Variants in MGAM2 observed in about 807,000 individuals in gnomAD.
MGAM2 encodes the protein probable maltase-glucoamylase 2.
A neutral mutation model predicts 96.1 loss-of-function variants in MGAM2; 98 were observed. The observed-to-expected ratio is 1.02, with a 90% confidence interval of 0.87 to 1.21. MGAM2 has a LOEUF of 1.21. MGAM2 is among the 50% of genes most tolerant of loss of function. MGAM2 has a pLI of 0.00. For missense variants in MGAM2, 2,055 were observed against 1,182.4 expected (o/e 1.74, Z -10.82); for synonymous variants, 749 against 414.8 (o/e 1.81, Z -9.79).
rs759172841 is a variant in MGAM2 at position 142,131,511 on chromosome 7, C to T, written c.311-7C>T. On this transcript the variant is annotated splice_region_variant and splice_polypyrimidine_tract_variant and intron_variant, in intron 4 of 47. Coordinates refer to ENST00000477922, the MANE Select transcript of MGAM2 (RefSeq NM_001293626.2). ...TTTTCTCTCTCTCCATATCTTGCCA[C>T]CCCTAGGATTTACTGCCCAGTTGAA... The T allele has an allele frequency of 1.0e-5, 7 of 702,488 alleles. No homozygotes were observed. The African/African-American group carries it at 1.2e-4, about 12-fold the overall frequency. The allele number at this position is 702,488 out of a possible 1,614,324, so 43.5% of individuals were successfully genotyped here.
At chr7:142,207,722 C>T (rs781293524) in intron 45 of MGAM2, among the ~76,000 whole-genome samples, 14 of 152,116 alleles carry the variant, frequency 9.2e-5, no homozygotes, top group Non-Finnish European at 1.8e-4. Flanking sequence ...AGCCACCGCG[C>T]CCAGCCCAGC....
chr7:142,135,337 G>A (rs1795026971), intron 7 of MGAM2, among the ~76,000 whole-genome samples: 3 of 152,298 alleles, frequency 2.0e-5, no homozygotes, highest in South Asian at 4.1e-4. Context: ...ATCGTACTAC[G>A]TTTGACTTTC....
At chr7:142,137,182 G>T (rs1301749518) in intron 8 of MGAM2, among the ~76,000 whole-genome samples, 4 of 150,664 alleles carry the variant, frequency 2.7e-5, no homozygotes, top group Admixed American at 6.6e-5. Flanking sequence ...TTTTTATGTG[G>T]CCAGGTTAAA....
At chr7:142,157,872 T>C (rs1439987079) in intron 17 of MGAM2, 65 bp from the exon 18 acceptor site, 3 of 676,816 alleles carry the variant, frequency 4.4e-6, no homozygotes, top group South Asian at 1.6e-5. Flanking sequence ...GGGAAACTTA[T>C]TGTAAGAGAA....
chr7:142,183,090 G>A (rs1487219536), intron 32 of MGAM2, among the ~76,000 whole-genome samples, 176 bp from the exon 33 acceptor site: 2 of 152,086 alleles, frequency 1.3e-5, no homozygotes, highest in African/African-American at 4.8e-5. Flanking sequence ...ATTGGCTATG[G>A]TAATATATGC....
At chr7:142,117,931 G>GT (rs140874337) in intron 2 of MGAM2, among the ~76,000 whole-genome samples, 107 of 148,872 alleles carry the variant, frequency 7.2e-4, no homozygotes, top group African/African-American at 2.2e-3. Flanking sequence ...GCTTTCAACT[G>GT]TTTTTTTTTC....
At chr7:142,181,345 T>G (rs1331935904) in intron 32 of MGAM2, among the ~76,000 whole-genome samples, 1 of 152,214 alleles carries the variant, frequency 6.6e-6, no homozygotes, top group Admixed American at 6.5e-5. Flanking sequence ...GCTGAATTCC[T>G]GCATTGGGTT....
intron 32 of MGAM2, among the ~76,000 whole-genome samples, chr7:142,179,812 C>T (rs1033465007): frequency 1.8e-4 from 28 of 152,064 alleles, no homozygotes; most frequent in Middle Eastern, 3.4e-3. Flanking sequence ...GGGATATCAG[C>T]CTGAAGTTTT....
intron 19 of MGAM2, 59 bp from the exon 20 acceptor site, chr7:142,159,228 T>A (rs1309448134): frequency 1.4e-6 from 1 of 695,914 alleles, no homozygotes; most frequent in Non-Finnish European, 2.6e-6. Flanking sequence ...TGCCTGGAGG[T>A]GTTTTGTAAA....
intron 32 of MGAM2, among the ~76,000 whole-genome samples, chr7:142,179,928 G>A (rs1267171113): frequency 2.0e-5 from 3 of 152,028 alleles, no homozygotes; most frequent in Admixed American, 6.6e-5. Context: ...ATTTCAGTAG[G>A]ATTGGAACCA....
At chr7:142,195,647 A>C (rs1294267125) in intron 37 of MGAM2, among the ~76,000 whole-genome samples, 2 of 151,750 alleles carry the variant, frequency 1.3e-5, no homozygotes, top group African/African-American at 4.8e-5. Flanking sequence ...GTGAGCCACC[A>C]CACCCAGACC....
chr7:142,124,645 C>A (rs1427093128), intron 3 of MGAM2, among the ~76,000 whole-genome samples: 1 of 152,106 alleles, frequency 6.6e-6, no homozygotes, highest in Middle Eastern at 3.2e-3. Flanking sequence ...ATTGTGATTA[C>A]ATAAAATTTA....
Position 142,220,499 on chromosome 7 carries a change from T to G in MGAM2, c.5988T>G (p.Thr1996=), listed in dbSNP as rs1563303578. ...CTATTAGTGTTACAACTAGTACTAC[T>G]GTTCCTGATACAACTGCTCCTTTCC... ...TSTISVTTST[T]VPDTTAPFPT... is the part of the protein sequence containing the mutation. The change falls in exon 48 of 48, where the codon ACT becomes ACG. Residue 1996 remains threonine (T), a synonymous_variant. Transcript: ENST00000477922. 1 of 702,588 alleles carries G rather than the reference T, an allele frequency of 1.4e-6. No individual in the cohort carries two copies. The highest frequency in any genetic ancestry group is 2.6e-6 in the Non-Finnish European group (1 of 384,910). 43.5% of individuals were successfully genotyped at this position (702,588 alleles called of 1,614,324 possible).
chr7:142,137,413 T>A lies in MGAM2; in HGVS notation c.848-20T>A. The A allele has an allele frequency of 1.5e-6, 1 of 683,202 alleles. No individual in the cohort carries two copies. The highest frequency in any genetic ancestry group is 2.7e-6 in the Non-Finnish European group (1 of 375,610). 42.3% of individuals were successfully genotyped at this position (683,202 alleles called of 1,614,324 possible). A position where few individuals can be genotyped will look rare whatever the true frequency, so the allele number is the denominator to read the frequency against. ...CTTCCAACCATAAGATTCTAATTAA[T>A]CTCATTATAATTTTTTCAGAGGTTA... On this transcript the variant is annotated intron_variant, in intron 8 of 47. Coordinates refer to ENST00000477922, the MANE Select transcript of MGAM2 (RefSeq NM_001293626.2).
intron 15 of MGAM2, among the ~76,000 whole-genome samples, chr7:142,152,813 G>T (rs373378802): frequency 4.6e-5 from 7 of 151,754 alleles, no homozygotes; most frequent in Non-Finnish European, 8.8e-5. Flanking sequence ...TTTACCACAG[G>T]GGGGAAAAAA....
chr7:142,170,279 C>T (rs1457889516), intron 27 of MGAM2, 50 bp downstream of exon 27: 6 of 640,430 alleles, frequency 9.4e-6, no homozygotes, highest in South Asian at 3.5e-5. Context: ...GATTTAATTA[C>T]AGCAGTTACA....
intron 1 of MGAM2, among the ~76,000 whole-genome samples, chr7:142,113,254 A>G (rs1245463658): frequency 2.6e-5 from 4 of 152,202 alleles, no homozygotes; most frequent in Non-Finnish European, 4.4e-5. Context: ...TTGTTGCTGC[A>G]TAAGTGCTGG....
intron 14 of MGAM2, 62 bp from the exon 15 acceptor site, chr7:142,147,394 G>A (rs143080553): frequency 4.1e-5 from 27 of 654,044 alleles, no homozygotes; most frequent in Non-Finnish European, 6.7e-5. Flanking sequence ...AAATAGTTGG[G>A]CCGCTAATTT....
chr7:142,120,986 A>G lies in MGAM2; in HGVS notation c.186+605A>G, dbSNP rs532563945. 1.1e-4 allele frequency among the ~76,000 whole-genome samples: 16 copies of G among 152,228 alleles called. 1 individual carries two copies. Among genetic ancestry groups the G allele is most frequent in the Admixed American group, 9.8e-4 (15 of 15,284 alleles). On this transcript the variant is annotated intron_variant, in intron 3 of 47. Coordinates refer to ENST00000477922, the MANE Select transcript of MGAM2 (RefSeq NM_001293626.2). Reference sequence around the variant, plus strand: ...GGACTTTTTCATAAAGGTTGTATGTATTTATATATTTAAATTTTATTTCTT... The same window carrying G: ...GGACTTTTTCATAAAGGTTGTATGTGTTTATATATTTAAATTTTATTTCTT...
Sources: allele counts gnomAD v4.1 joint callset (sites outside exome capture counted in the v4.1 genomes callset), GRCh38; gene constraint gnomAD v4.1.1; transcripts MANE v1.5; gene names NCBI Gene and HGNC (gene_info 2026-07-23, HGNC 2026-07-21).